Variants in TSPAN3 observed in about 807,000 individuals in gnomAD.
The protein encoded by TSPAN3 is tetraspanin 3.
A neutral mutation model predicts 31.1 loss-of-function variants in TSPAN3; 9 were observed. That is an observed-to-expected ratio of 0.29 (90% CI 0.17 to 0.50). The LOEUF is 0.50. Among genes scored for constraint, TSPAN3 ranks in the 20% least tolerant of loss-of-function variants. TSPAN3 has a pLI of 0.98. For missense variants in TSPAN3, 252 were observed against 313.5 expected, an observed-to-expected ratio of 0.80 and a Z score of 1.48; for synonymous variants, 129 against 114.3, an observed-to-expected ratio of 1.13 and a Z score of -0.82.
Position 77,053,451 on chromosome 15 carries a change from C to CAAAAAAAAAAAAAAAAAAAAAAAAA in TSPAN3, c.433-547_433-523dup, listed in dbSNP as rs60483848. 1.6e-4 allele frequency among the ~76,000 whole-genome samples: 8 copies of CAAAAAAAAAAAAAAAAAAAAAAAAA among 50,380 alleles called. 2 individuals carry two copies. Among genetic ancestry groups the CAAAAAAAAAAAAAAAAAAAAAAAAA allele is most frequent in the Admixed American group, 2.4e-4 (1 of 4,182 alleles). The allele number at this position is 50,380 out of a possible 152,430, so 33.1% of individuals were successfully genotyped here. A position where few individuals can be genotyped will look rare whatever the true frequency, so the allele number is the denominator to read the frequency against. On this transcript the variant is annotated intron_variant, in intron 4 of 6. Coordinates refer to ENST00000267970, the MANE Select transcript of TSPAN3 (RefSeq NM_005724.6). ...CAACAAGAGTGAAATTTCGCCATCT[C>CAAAAAAAAAAAAAAAAAAAAAAAAA]AAAAAAAAAAAAAAAAAAAAAAAAA... is the stretch of plus-strand genomic sequence containing the variant.
intron 6 of TSPAN3, among the ~76,000 whole-genome samples, chr15:77,048,223 T>C (rs1430740747): frequency 6.6e-6 from 1 of 152,198 alleles, no homozygotes; most frequent in Non-Finnish European, 1.5e-5. Flanking sequence ...CCTAGAGAAA[T>C]ACATTTCTGT....
intron 1 of TSPAN3, chr15:77,064,175 G>C (rs1003306972): frequency 6.6e-6 from 1 of 152,086 alleles, no homozygotes; most frequent in Non-Finnish European, 1.5e-5. Flanking sequence ...AGAGGAAGAA[G>C]ATATGTCAAT....
At chr15:77,058,714 C>T (rs2076783036) in intron 1 of TSPAN3, among the ~76,000 whole-genome samples, 1 of 152,230 alleles carries the variant, frequency 6.6e-6, no homozygotes, top group African/African-American at 2.4e-5. Context: ...CATCTCACCC[C>T]TTTCCCTTGA....
chr15:77,064,849 A>G (rs1266636838), intron 1 of TSPAN3: 2 of 152,260 alleles, frequency 1.3e-5, no homozygotes. Flanking sequence ...TAGAGAAACA[A>G]ATTCCAGGAT....
chr15:77,056,222 A>G lies in TSPAN3; in HGVS notation c.97T>C (p.Tyr33His). The G allele has an allele frequency of 6.2e-7, 1 of 1,611,254 alleles. No individual in the cohort carries two copies. The change falls in exon 2 of 7, where the codon TAT becomes CAT. Residue 33 changes from tyrosine (Y) to histidine (H), a missense_variant. Tyr to His is a moderately conservative substitution (Grantham distance 83). Coordinates refer to ENST00000267970, the MANE Select transcript of TSPAN3 (RefSeq NM_005724.6). Reference sequence around the variant, plus strand: ...TAGTCATCATAAGTGATGAAGACATAGGCTCCCACATAGCATAAAATGCCA... The same window carrying G: ...TAGTCATCATAAGTGATGAAGACATGGGCTCCCACATAGCATAAAATGCCA... ...AAGILCYVGAYVFITYDDYDH... is the reference protein window; with the variant it reads ...AAGILCYVGAHVFITYDDYDH...
At chr15:77,063,052 T>C (rs2076809677) in intron 1 of TSPAN3, among the ~76,000 whole-genome samples, 1 of 152,212 alleles carries the variant, frequency 6.6e-6, no homozygotes, top group African/African-American at 2.4e-5. Context: ...AAATTATGTC[T>C]GAAATTGAGG....
At chr15:77,058,327 T>C (rs1160051103) in intron 1 of TSPAN3, among the ~76,000 whole-genome samples, 1 of 152,230 alleles carries the variant, frequency 6.6e-6, no homozygotes, top group Non-Finnish European at 1.5e-5. Flanking sequence ...TTGTGAACTA[T>C]GAACAATATA....
At position 77,056,050 on chromosome 15, in the gene TSPAN3, A is replaced by G. The variant is rs1413861167; in HGVS notation, c.255+14T>C. 5 of 1,593,184 alleles carry G rather than the reference A, an allele frequency of 3.1e-6. No individual in the cohort carries two copies. Among genetic ancestry groups the G allele is most frequent in the Non-Finnish European group, 4.3e-6 (5 of 1,171,538 alleles). ...AGACTAAATACTCCTGCATGTTCTC[A>G]CAACACATCTTACCGTGGCAAGTCC... On this transcript the variant is annotated intron_variant, in intron 2 of 6. Coordinates refer to ENST00000267970, the MANE Select transcript of TSPAN3 (RefSeq NM_005724.6).
chr15:77,068,047 A>C (rs1021295615), intron 1 of TSPAN3: 1 of 152,208 alleles, frequency 6.6e-6, no homozygotes, highest in Admixed American at 6.5e-5. Flanking sequence ...TATGCCATGT[A>C]AAGTGTTTAG....
At position 77,043,158 on chromosome 15, in the gene TSPAN3, C is replaced by T. The variant is rs560620433; in HGVS notation, c.*3677G>A. On this transcript the variant is annotated 3_prime_UTR_variant, in exon 7 of 7. Coordinates refer to ENST00000267970, the MANE Select transcript of TSPAN3 (RefSeq NM_005724.6). Reference sequence around the variant, plus strand: ...GGGGCACCTCCAGTAAGTTGATTCTCCAGCATGGGACAGGCAGCATATCCC... The same window carrying T: ...GGGGCACCTCCAGTAAGTTGATTCTTCAGCATGGGACAGGCAGCATATCCC... The T allele has an allele frequency of 1.3e-5, 2 of 152,524 alleles. No individual in the cohort carries two copies. The highest frequency in any genetic ancestry group is 1.5e-5 in the Non-Finnish European group (1 of 68,306). The allele number at this position is 152,524 out of a possible 1,614,324, so 9.4% of individuals were successfully genotyped here.
At chr15:77,067,904 T>C (rs1438690401) in intron 1 of TSPAN3, 1 of 152,186 alleles carries the variant, frequency 6.6e-6, no homozygotes, top group Non-Finnish European at 1.5e-5. Context: ...TCACAGTCTC[T>C]AGAGTATGGG....
chr15:77,070,658 T>C (rs1482713255), intron 1 of TSPAN3, among the ~76,000 whole-genome samples: 1 of 151,892 alleles, frequency 6.6e-6, no homozygotes, highest in African/African-American at 2.4e-5. Context: ...CTGGAGGCCG[T>C]GGAGTCCCTG....
intron 2 of TSPAN3, 95 bp downstream of exon 2, chr15:77,055,969 T>C (rs2076766105): frequency 3.3e-6 from 5 of 1,519,372 alleles, no homozygotes; most frequent in Middle Eastern, 4.7e-4. Context: ...AGTTTAAATG[T>C]TAACTCTGTT....
At chr15:77,054,849 A>T (rs1166552002) in intron 3 of TSPAN3, 1 of 152,314 alleles carries the variant, frequency 6.6e-6, no homozygotes, top group Admixed American at 6.5e-5. Flanking sequence ...GACAGGAAAC[A>T]AGCTTCATAG....
At chr15:77,054,131 C>T in intron 4 of TSPAN3, 47 bp downstream of exon 4, 1 of 1,325,130 alleles carries the variant, frequency 7.5e-7, no homozygotes, top group Non-Finnish European at 1.1e-6. Context: ...AATGTTGACC[C>T]AATCGTGATT....
chr15:77,067,645 G>A (rs1413438684), intron 1 of TSPAN3: 1 of 152,178 alleles, frequency 6.6e-6, no homozygotes, highest in Non-Finnish European at 1.5e-5. Context: ...ATTAAAAGGA[G>A]GGAGGGGCCA....
intron 1 of TSPAN3, among the ~76,000 whole-genome samples, chr15:77,069,449 AT>A (rs1300902575): frequency 1.3e-5 from 2 of 152,194 alleles, no homozygotes; most frequent in African/African-American, 4.8e-5. Context: ...AACTGAAAAA[AT>A]AAAATAAAAT....
At chr15:77,054,153 A>G (rs368050463) in intron 4 of TSPAN3, 25 bp downstream of exon 4, 1 of 1,578,484 alleles carries the variant, frequency 6.3e-7, no homozygotes, top group East Asian at 2.2e-5. Context: ...GTCCTCAAAA[A>G]CAAATCTGCC....
At chr15:77,052,999 C>A in intron 4 of TSPAN3, 70 bp from the exon 5 acceptor site, 37 of 1,408,890 alleles carry the variant, frequency 2.6e-5, no homozygotes, top group African/African-American at 2.9e-5. Context: ...TACTACAGAG[C>A]TTTAAAATAA....
Sources: allele counts gnomAD v4.1 joint callset (sites outside exome capture counted in the v4.1 genomes callset), GRCh38; gene constraint gnomAD v4.1.1; transcripts MANE v1.5; gene names NCBI Gene and HGNC (gene_info 2026-07-23, HGNC 2026-07-21).